Variants in MX1 observed in about 807,000 individuals in gnomAD.
The protein encoded by MX1 is interferon-induced GTP-binding protein Mx1.
Under a neutral mutation model 66.4 loss-of-function variants are expected in MX1, and 66 were observed. The observed-to-expected ratio is 0.99, with a 90% CI of 0.82 to 1.22. MX1 has a LOEUF of 1.22. Ranked by LOEUF, MX1 falls within the 50% of genes most tolerant of loss-of-function variation. MX1 has a pLI of 0.00. For missense variants in MX1, 787 were observed against 834.3 expected, an observed-to-expected ratio of 0.94 and a Z score of 0.70; for synonymous variants, 311 against 318.1, an observed-to-expected ratio of 0.98 and a Z score of 0.24.
intron 13 of MX1, among the ~76,000 whole-genome samples, 193 bp downstream of exon 13, chr21:41,446,334 TGG>T (rs1415390681): frequency 6.6e-6 from 1 of 152,234 alleles, no homozygotes; most frequent in Non-Finnish European, 1.5e-5. Flanking sequence ...TGTCCTCTCA[TGG>T]GATAAGGGAC....
intron 16 of MX1, among the ~76,000 whole-genome samples, chr21:41,454,966 G>A (rs1045695910): frequency 6.6e-6 from 1 of 151,568 alleles, no homozygotes. Flanking sequence ...GAGTGCAGTG[G>A]CACAATCTCA....
Position 41,426,246 on chromosome 21 carries a change from A to C in MX1, c.-326A>C, listed in dbSNP as rs464138. Reference sequence around the variant, plus strand: ...GAAGCGAGAGCGGAGGCCGCACTCCAGCACTGCGCAGGGACCGGTGAGTGT... The same window carrying C: ...GAAGCGAGAGCGGAGGCCGCACTCCCGCACTGCGCAGGGACCGGTGAGTGT... On this transcript the variant is annotated 5_prime_UTR_variant, in exon 1 of 17. Transcript: ENST00000398598. The C allele has an allele frequency of 0.36, 55,912 of 153,632 alleles. 11,183 individuals carry two copies. Among genetic ancestry groups the C allele is most frequent in the East Asian group, 0.58 (3,067 of 5,260 alleles). The allele number at this position is 153,632 out of a possible 1,614,324, so 9.5% of individuals were successfully genotyped here. A position where few individuals can be genotyped will look rare whatever the true frequency, so the allele number is the denominator to read the frequency against.
intron 14 of MX1, among the ~76,000 whole-genome samples, chr21:41,450,167 C>T (rs891879728): frequency 3.3e-5 from 5 of 152,196 alleles, no homozygotes; most frequent in African/African-American, 1.2e-4. Flanking sequence ...TTGAAATCTC[C>T]GAGGAGTAAA....
Position 41,441,275 on chromosome 21 carries a change from A to G in MX1, c.730+250A>G, listed in dbSNP as rs555211479. On this transcript the variant is annotated intron_variant, in intron 9 of 16. Transcript: ENST00000398598. The surrounding 1 kb of genome is among the most constrained non-coding windows in gnomAD (Gnocchi z 4.0). Reference sequence around the variant, plus strand: ...AAGGGAGCAGGTTTGGTGCCCACCAAGGCCAAGTGAAATGAGCTGCTTTTG... The same window carrying G: ...AAGGGAGCAGGTTTGGTGCCCACCAGGGCCAAGTGAAATGAGCTGCTTTTG... 20 of 508,248 alleles carry G rather than the reference A, an allele frequency of 3.9e-5. No individual in the cohort carries two copies. The highest frequency in any genetic ancestry group is 3.5e-6 in the Non-Finnish European group (1 of 286,516). The allele number at this position is 508,248 out of a possible 1,614,324, so 31.5% of individuals were successfully genotyped here.
chr21:41,432,735 C>A (rs951093659), intron 5 of MX1, among the ~76,000 whole-genome samples: 3 of 152,162 alleles, frequency 2.0e-5, no homozygotes, highest in African/African-American at 7.2e-5. Context: ...GAATAATGGT[C>A]TTTGCTTTAT....
intron 16 of MX1, 96 bp downstream of exon 16, chr21:41,452,965 G>T (rs2090873170): frequency 2.8e-6 from 4 of 1,432,282 alleles, no homozygotes; most frequent in Non-Finnish European, 3.8e-6. Flanking sequence ...AGGTGACGTT[G>T]GTCAGCTCTG....
In MX1 at chr21:41,430,594, G is replaced by A. The variant is rs2146091139; in HGVS notation, c.-36G>A. ...TTGTTGACATTACTTTTATTTGAAG[G>A]AACGTATATTAGAGGTAAGTTGGTG... is the stretch of plus-strand genomic sequence containing the variant. On this transcript the variant is annotated 5_prime_UTR_variant, in exon 4 of 17. Coordinates refer to ENST00000398598, the MANE Select transcript of MX1 (RefSeq NM_002462.5). 1 of 152,260 alleles carries A rather than the reference G, an allele frequency of 6.6e-6. No individual in the cohort carries two copies. Among genetic ancestry groups the A allele is most frequent in the East Asian group, 1.9e-4 (1 of 5,192 alleles). 9.4% of individuals were successfully genotyped at this position (152,260 alleles called of 1,614,324 possible).
At chr21:41,448,941 T>A (rs1414446215) in intron 13 of MX1, among the ~76,000 whole-genome samples, 196 bp from the exon 14 acceptor site, 1 of 36,004 alleles carries the variant, frequency 2.8e-5, no homozygotes, top group Admixed American at 2.2e-4. Flanking sequence ...TGTGTGTGTG[T>A]GTGTGTGTGT....
chr21:41,437,203 GTCTGTTTGTAACTGTTCATACT>G lies in MX1; in HGVS notation c.436+52_436+73del, dbSNP rs760550998. The stretch of plus-strand genomic sequence containing the variant: ...GGTCAAGCCTTCTGACATGCATGGG[GTCTGTTTGTAACTGTTCATACT>G]CCCACCTCCCTGGGCCTGTGCTGTC... On this transcript the variant is annotated intron_variant, in intron 7 of 16. Coordinates refer to ENST00000398598, the MANE Select transcript of MX1 (RefSeq NM_002462.5). 3.7e-6 allele frequency: 6 copies of G among 1,607,446 alleles called. No homozygotes were observed. The South Asian group carries it at 6.6e-5, about 18-fold the overall frequency.
At chr21:41,449,003 C>A in intron 13 of MX1, 134 bp from the exon 14 acceptor site, 129 of 514,116 alleles carry the variant, frequency 2.5e-4, no homozygotes, top group East Asian at 4.3e-4. Context: ...TTTTAGTTTA[C>A]CAGTTAGATT....
intron 16 of MX1, among the ~76,000 whole-genome samples, chr21:41,455,992 G>A (rs576448023): frequency 6.6e-6 from 1 of 152,116 alleles, no homozygotes; most frequent in South Asian, 2.1e-4. Context: ...CTGTAATCCC[G>A]GCACTCTGGA....
chr21:41,436,119 T>A, intron 6 of MX1, 90 bp downstream of exon 6: 1 of 1,465,864 alleles, frequency 6.8e-7, no homozygotes, highest in Non-Finnish European at 9.2e-7. Flanking sequence ...GTTTATTTTC[T>A]CACAGTTCTG....
At chr21:41,437,409 C>T (rs941785838) in intron 7 of MX1, among the ~76,000 whole-genome samples, 3 of 151,912 alleles carry the variant, frequency 2.0e-5, no homozygotes, top group African/African-American at 4.8e-5. Flanking sequence ...GAGGCTGACA[C>T]GGGGGGATTG....
chr21:41,420,931 G>A (rs1843250874), intron 1 of MX1: 2 of 152,264 alleles, frequency 1.3e-5, no homozygotes, highest in Admixed American at 6.5e-5. Context: ...GGAGAGACTT[G>A]GAAAAGAAAA....
At chr21:41,433,895 T>G (rs1023790814) in intron 5 of MX1, among the ~76,000 whole-genome samples, 2 of 152,238 alleles carry the variant, frequency 1.3e-5, no homozygotes, top group African/African-American at 4.8e-5. Context: ...GGCTACCAAC[T>G]GTATTCATGC....
Position 41,458,552 on chromosome 21 carries a change from C to T in MX1, c.1783C>T (p.His595Tyr). The T allele has an allele frequency of 6.2e-7, 1 of 1,614,234 alleles. No homozygotes were observed. Among genetic ancestry groups the T allele is most frequent in the Non-Finnish European group, 8.5e-7 (1 of 1,180,042 alleles). Residue 595 changes from histidine to tyrosine, a missense_variant, in exon 17 of 17, where the codon CAC (histidine) becomes TAC (tyrosine). Transcript: ENST00000398598. ...HQEASKRISS[H>Y]IPLIIQFFML... The stretch of plus-strand genomic sequence containing the variant: ...GGAGGCCAGCAAGCGCATCTCCAGC[C>T]ACATCCCTTTGATCATCCAGTTCTT...
intron 1 of MX1, chr21:41,426,640 G>C (rs892737742): frequency 6.6e-6 from 1 of 152,232 alleles, no homozygotes; most frequent in Admixed American, 6.5e-5. Context: ...ATCCACGGCT[G>C]CGCGGGCCAC....
At position 41,437,006 on chromosome 21, in the gene MX1, G is replaced by T; in HGVS notation, c.299-9G>T. On this transcript the variant is annotated splice_polypyrimidine_tract_variant and intron_variant, in intron 6 of 16. Transcript: ENST00000398598. ...AAAGTGGAGCACTGATGTGGGCGTGGCCTCCTAGGGATCGTGACCAGATGC... is the reference window on the plus strand; with the variant it reads ...AAAGTGGAGCACTGATGTGGGCGTGTCCTCCTAGGGATCGTGACCAGATGC... 6.2e-7 allele frequency: 1 copy of T among 1,613,658 alleles called. No homozygotes were observed. Among genetic ancestry groups the T allele is most frequent in the Non-Finnish European group, 8.5e-7 (1 of 1,179,776 alleles).
At chr21:41,443,598 T>C in intron 10 of MX1, 190 bp from the exon 11 acceptor site, 1 of 622,038 alleles carries the variant, frequency 1.6e-6, no homozygotes, top group Non-Finnish European at 2.9e-6. Context: ...TGTGGAAATA[T>C]CCTAGATTGC....
Sources: gnomAD v4.1 joint callset for allele counts (sites outside exome capture counted in the v4.1 genomes callset) on GRCh38, gnomAD v4.1.1 for gene constraint, Gnocchi (gnomAD v3.1) non-coding constraint, MANE v1.5 for transcripts, NCBI Gene and HGNC (gene_info 2026-07-23, HGNC 2026-07-21) for gene names.